The following LYZL4 variants were observed in gnomAD, a reference collection of about 807,000 sequenced individuals.
LYZL4 encodes the protein lysozyme like 4.
Under a neutral mutation model 17.6 loss-of-function variants are expected in LYZL4, and 13 were observed. The observed-to-expected ratio is 0.74, with a 90% CI of 0.48 to 1.18. The LOEUF is 1.18. Among genes scored for constraint, LYZL4 ranks in the 50% most tolerant of loss-of-function variants. The pLI, the probability that LYZL4 is intolerant of heterozygous loss-of-function variation, is 0.00. For missense variants in LYZL4, 174 were observed against 188.2 expected (o/e 0.92, Z 0.44); for synonymous variants, 64 against 67.7 (o/e 0.95, Z 0.27).
At chr3:42,367,201 C>T in the LYZL4 span, among the ~76,000 whole-genome samples, 1 of 152,178 alleles carries the variant, frequency 6.6e-6, no homozygotes, top group Non-Finnish European at 1.5e-5. Flanking sequence ...AAGACAGCTG[C>T]CTGCCCACTG....
At chr3:42,372,565 T>C in the LYZL4 span, among the ~76,000 whole-genome samples, 7 of 152,286 alleles carry the variant, frequency 4.6e-5, no homozygotes, top group South Asian at 1.5e-3. Context: ...TCAGTCCCAC[T>C]GGGCACCTTT....
In LYZL4 at chr3:42,407,168, A is replaced by C; in HGVS notation, c.84T>G (p.Ala28=). 6.2e-7 allele frequency: 1 copy of C among 1,614,172 alleles called. No homozygotes were observed. Among genetic ancestry groups the C allele is most frequent in the East Asian group, 2.2e-5 (1 of 44,880 alleles). Residue 28 remains alanine (A), a synonymous_variant, in exon 2 of 5, where the codon GCT becomes GCG. Transcript: ENST00000287748. The part of the protein sequence containing the change: ...GAYILGRCTV[A]KKLHDGGLDY... The stretch of plus-strand genomic sequence containing the variant: ...CCAGGCCTCCATCGTGGAGTTTCTT[A>C]GCCACTGTGCAACGCCCCAAGATGT...
chr3:42,409,755 G>A (rs1698829698), intron 1 of LYZL4, among the ~76,000 whole-genome samples: 1 of 152,200 alleles, frequency 6.6e-6, no homozygotes, highest in Non-Finnish European at 1.5e-5. Flanking sequence ...TATAAAGCAT[G>A]TGTCCAGTCA....
chr3:42,406,419 A>T (rs1387659248), intron 3 of LYZL4, among the ~76,000 whole-genome samples: 1 of 136,964 alleles, frequency 7.3e-6, no homozygotes, highest in Admixed American at 8.3e-5. Context: ...GCGCCACTGC[A>T]CTCCAGCCTG....
the LYZL4 span, among the ~76,000 whole-genome samples, chr3:42,373,908 G>GTA: frequency 2.5e-3 from 384 of 152,024 alleles, 1 homozygote; most frequent in Middle Eastern, 6.8e-3. Context: ...TTGCTAATAT[G>GTA]TATATATATA....
chr3:42,403,958 G>A, intron 4 of LYZL4, 88 bp downstream of exon 4: 2 of 961,876 alleles, frequency 2.1e-6, no homozygotes, highest in Middle Eastern at 2.1e-4. Context: ...CACTGCACGT[G>A]CGCAACAGCC....
downstream of LYZL4, among the ~76,000 whole-genome samples, chr3:42,394,338 C>T (rs140660577): frequency 1.0e-3 from 154 of 152,234 alleles, no homozygotes; most frequent in Non-Finnish European, 1.6e-3. Context: ...AATATAGTAC[C>T]AGGGTTTGGA....
the LYZL4 span, among the ~76,000 whole-genome samples, chr3:42,380,941 C>T: frequency 6.6e-6 from 1 of 152,218 alleles, no homozygotes; most frequent in Admixed American, 6.5e-5. Flanking sequence ...ATGTTAGCCG[C>T]TGTGGCATAA....
rs1009571115 is a variant in LYZL4, at chr3:42,407,308, A to G, written c.-57T>C. ...GGTGGCCAGATGAGTGGGTGGAGTC[A>G]CAGGGACACTGGTTCTCTGAAGGGA... On this transcript the variant is annotated 5_prime_UTR_variant, in exon 2 of 5. Coordinates refer to ENST00000287748, the MANE Select transcript of LYZL4 (RefSeq NM_144634.4). 8 of 1,610,666 alleles carry G rather than the reference A, an allele frequency of 5.0e-6. No individual in the cohort carries two copies. The highest frequency in any genetic ancestry group is 6.8e-6 in the Non-Finnish European group (8 of 1,178,630).
At position 42,404,046 on chromosome 3, in the gene LYZL4, C is replaced by T. The variant is rs1264037819; in HGVS notation, c.371G>A (p.Trp124Ter). 1 of 1,598,106 alleles carries T rather than the reference C, an allele frequency of 6.3e-7. No homozygotes were observed. The change falls in exon 4 of 5, where the codon TGG (tryptophan) becomes TAG (stop). Residue 124 changes from tryptophan to a stop codon, truncating the protein, a stop_gained and splice_region_variant. Coordinates refer to ENST00000287748, the MANE Select transcript of LYZL4 (RefSeq NM_144634.4). LOFTEE classifies it high-confidence loss of function. ...IVKGKEGMGA[W>*]PTWSRYCQYS... ...GGCTACATAAAAATGTAAGACTTAC[C>T]ATGCTCCCATCCCTTCTTTTCCTTT...
chr3:42,403,736 T>C (rs1486446394), intron 4 of LYZL4, among the ~76,000 whole-genome samples: 2 of 152,188 alleles, frequency 1.3e-5, no homozygotes, highest in Non-Finnish European at 2.9e-5. Flanking sequence ...TGTAGGAACT[T>C]AAAGGATAGA....
the LYZL4 span, among the ~76,000 whole-genome samples, chr3:42,366,312 G>A: frequency 6.6e-6 from 1 of 152,142 alleles, no homozygotes; most frequent in Non-Finnish European, 1.5e-5. Context: ...AGCCTTGGAA[G>A]CCACTGCCCA....
chr3:42,378,728 A>G, the LYZL4 span, among the ~76,000 whole-genome samples: 1 of 152,194 alleles, frequency 6.6e-6, no homozygotes, highest in Non-Finnish European at 1.5e-5. Flanking sequence ...TCTCTATATT[A>G]GTAAGATGGA....
the LYZL4 span, among the ~76,000 whole-genome samples, chr3:42,374,435 A>G: frequency 6.6e-6 from 1 of 152,194 alleles, no homozygotes; most frequent in Non-Finnish European, 1.5e-5. Context: ...TCTTCACTGT[A>G]GTCAGAATTT....
chr3:42,397,692 C>T (rs1698578201), intron 4 of LYZL4, among the ~76,000 whole-genome samples: 1 of 152,076 alleles, frequency 6.6e-6, no homozygotes, highest in Admixed American at 6.5e-5. Flanking sequence ...AGTTCCGTGA[C>T]TTTCCCAGAG....
the LYZL4 span, among the ~76,000 whole-genome samples, chr3:42,387,795 C>G: frequency 6.6e-6 from 1 of 152,206 alleles, no homozygotes; most frequent in African/African-American, 2.4e-5. Flanking sequence ...TCTAGGTCCT[C>G]CTGTCTCCAG....
downstream of LYZL4, among the ~76,000 whole-genome samples, chr3:42,395,422 T>C (rs1698537127): frequency 6.6e-6 from 1 of 152,088 alleles, no homozygotes; most frequent in Non-Finnish European, 1.5e-5. Context: ...AAATATTAGA[T>C]CACAAAATAT....
At chr3:42,371,630 C>G in the LYZL4 span, among the ~76,000 whole-genome samples, 1 of 152,134 alleles carries the variant, frequency 6.6e-6, no homozygotes, top group South Asian at 2.1e-4. Flanking sequence ...GAGAAACATC[C>G]AAATGAAGCA....
chr3:42,393,569 G>A (rs559683648), downstream of LYZL4, among the ~76,000 whole-genome samples: 4 of 152,252 alleles, frequency 2.6e-5, no homozygotes, highest in South Asian at 8.3e-4. Flanking sequence ...GAATTAACTG[G>A]CTCAATGATA....
Sources: allele counts gnomAD v4.1 joint callset (sites outside exome capture counted in the v4.1 genomes callset), GRCh38; gene constraint gnomAD v4.1.1; transcripts MANE v1.5; gene names NCBI Gene and HGNC (gene_info 2026-07-23, HGNC 2026-07-21).